Variants in LDAH observed in about 807,000 individuals in gnomAD.
The protein encoded by LDAH is lipid droplet-associated hydrolase.
LDAH carries 26 observed loss-of-function variants against 29.6 expected under a neutral mutation model. The ratio of observed to expected loss-of-function variants is 0.88; its 90% CI spans 0.64 to 1.22. The LOEUF is 1.22. Among genes scored for constraint, LDAH ranks in the 50% most tolerant of loss-of-function variants. The pLI is 0.00. For missense variants in LDAH, 344 were observed against 387.3 expected, an observed-to-expected ratio of 0.89 and a Z score of 0.94; for synonymous variants, 117 against 133.0, an observed-to-expected ratio of 0.88 and a Z score of 0.83.
At chr2:20,770,353 T>A (rs1669329599) in intron 4 of LDAH, among the ~76,000 whole-genome samples, 1 of 152,158 alleles carries the variant, frequency 6.6e-6, no homozygotes, top group African/African-American at 2.4e-5. Context: ...GGATCTGATA[T>A]CCTTCGAAGA....
At chr2:20,809,235 C>CAAAA (rs56974629) in intron 1 of LDAH, among the ~76,000 whole-genome samples, 2 of 133,966 alleles carry the variant, frequency 1.5e-5, no homozygotes, top group Admixed American at 7.4e-5. Context: ...ACTAGAAATA[C>CAAAA]AAAAAAAAAA....
chr2:20,798,143 C>T (rs772425990), intron 2 of LDAH, among the ~76,000 whole-genome samples: 1 of 152,200 alleles, frequency 6.6e-6, no homozygotes, highest in Non-Finnish European at 1.5e-5. Flanking sequence ...GAGTCTAAGA[C>T]ATTTTGCAGC....
chr2:20,739,830 A>T, intron 5 of LDAH, 141 bp downstream of exon 5: 1 of 603,856 alleles, frequency 1.7e-6, no homozygotes, highest in South Asian at 2.4e-5. Context: ...AATTTTATTT[A>T]TTTCTAGTTT....
At position 20,685,738 on chromosome 2, in the gene LDAH, G is replaced by A; in HGVS notation, c.*1165C>T. 6.8e-7 allele frequency: 1 copy of A among 1,481,290 alleles called. No individual in the cohort carries two copies. The highest frequency in any genetic ancestry group is 9.0e-7 in the Non-Finnish European group (1 of 1,111,880). 91.8% of individuals were successfully genotyped at this position (1,481,290 alleles called of 1,614,324 possible). On this transcript the variant is annotated 3_prime_UTR_variant, in exon 7 of 7. Transcript: ENST00000237822. ...TTCTCAAGATTGAGTCAATTTAGGGGAGGCAGCAATATTGTCAGCCCACTC... is the reference window on the plus strand; with the variant it reads ...TTCTCAAGATTGAGTCAATTTAGGGAAGGCAGCAATATTGTCAGCCCACTC...
intron 5 of LDAH, among the ~76,000 whole-genome samples, chr2:20,717,978 T>C (rs1665345855): frequency 6.6e-6 from 1 of 152,194 alleles, no homozygotes; most frequent in Admixed American, 6.5e-5. Context: ...CTTATAACTA[T>C]AAAATGTTTT....
At chr2:20,795,934 C>T (rs1671272303) in intron 2 of LDAH, among the ~76,000 whole-genome samples, 1 of 139,248 alleles carries the variant, frequency 7.2e-6, no homozygotes, top group Admixed American at 7.9e-5. Context: ...GATTAGCTCC[C>T]CCGAAACCTG....
At chr2:20,745,397 T>A (rs1323963515) in intron 4 of LDAH, among the ~76,000 whole-genome samples, 7 of 152,230 alleles carry the variant, frequency 4.6e-5, no homozygotes, top group Admixed American at 4.6e-4. Context: ...TGCATTTCTC[T>A]GATAATTAGT....
chr2:20,706,596 C>G (rs1664317650), intron 5 of LDAH, among the ~76,000 whole-genome samples: 2 of 151,812 alleles, frequency 1.3e-5, no homozygotes, highest in South Asian at 2.1e-4. Context: ...CCAAAAATCT[C>G]AACTGAATTT....
intron 6 of LDAH, among the ~76,000 whole-genome samples, chr2:20,691,368 A>AGT (rs1236357024): frequency 6.6e-6 from 1 of 152,090 alleles, no homozygotes. Flanking sequence ...GTAGAGACGA[A>AGT]GTCTCCCTAT....
intron 4 of LDAH, among the ~76,000 whole-genome samples, chr2:20,746,866 C>A (rs752636169): frequency 5.3e-5 from 8 of 152,082 alleles, no homozygotes; most frequent in Non-Finnish European, 1.2e-4. Context: ...TTCACATTCT[C>A]TTCTGTTATC....
At chr2:20,749,863 T>C (rs1016560843) in intron 4 of LDAH, among the ~76,000 whole-genome samples, 2 of 152,118 alleles carry the variant, frequency 1.3e-5, no homozygotes, top group African/African-American at 4.8e-5. Context: ...CTGATGTTTA[T>C]TTCTTCCTCA....
In LDAH at chr2:20,685,053, A is replaced by T; in HGVS notation, c.*1850T>A. On this transcript the variant is annotated 3_prime_UTR_variant, in exon 7 of 7. Transcript: ENST00000237822. ...CACAGAGATCAGGCCAGACCAGGTC[A>T]GAAATGCTGGTAAAACATTTATTTC... The T allele has an allele frequency of 8.9e-7, 1 of 1,121,024 alleles. No homozygotes were observed. The highest frequency in any genetic ancestry group is 1.2e-6 in the Non-Finnish European group (1 of 835,082). 69.4% of individuals were successfully genotyped at this position (1,121,024 alleles called of 1,614,324 possible).
At chr2:20,811,217 A>G (rs1361554312) in intron 1 of LDAH, among the ~76,000 whole-genome samples, 1 of 151,718 alleles carries the variant, frequency 6.6e-6, no homozygotes, top group East Asian at 2.0e-4. Context: ...ACGGGGTTTC[A>G]CCGTGTTAGC....
rs535612202 is a variant in LDAH, at chr2:20,752,645, T to C, written c.469-12440A>G. On this transcript the variant is annotated intron_variant, in intron 4 of 6. Transcript: ENST00000237822. ...CGATCAAGTGTCAATGGCAATGTAGTAGTTTCCAGCAGCTGCTGTAACAAA... is the reference window on the plus strand; with the variant it reads ...CGATCAAGTGTCAATGGCAATGTAGCAGTTTCCAGCAGCTGCTGTAACAAA... 1.1e-4 allele frequency among the ~76,000 whole-genome samples: 17 copies of C among 152,336 alleles called. No individual in the cohort carries two copies. The South Asian group carries it at 3.3e-3, about 30-fold the overall frequency.
At chr2:20,715,678 C>T (rs919960215) in intron 5 of LDAH, among the ~76,000 whole-genome samples, 1 of 152,230 alleles carries the variant, frequency 6.6e-6, no homozygotes, top group Non-Finnish European at 1.5e-5. Context: ...GCAGCTTCAG[C>T]AAGGTCTCAG....
At chr2:20,730,280 T>C (rs550658278) in intron 5 of LDAH, among the ~76,000 whole-genome samples, 2 of 152,358 alleles carry the variant, frequency 1.3e-5, no homozygotes, top group East Asian at 1.9e-4. Context: ...AACATTCATA[T>C]ACAGGTTTTT....
chr2:20,684,719 C>A lies in LDAH; in HGVS notation c.*2184G>T, dbSNP rs1439192827. 2.2e-5 allele frequency: 15 copies of A among 694,858 alleles called. No homozygotes were observed. The highest frequency in any genetic ancestry group is 3.4e-5 in the Non-Finnish European group (15 of 438,316). The allele number at this position is 694,858 out of a possible 1,614,324, so 43.0% of individuals were successfully genotyped here. A position where few individuals can be genotyped will look rare whatever the true frequency, so the allele number is the denominator to read the frequency against. Reference sequence around the variant, plus strand: ...TGGCTGGGAACAGACTAGGAACAAACACGGGTGTGGTCAAAGCTCAATCGC... The same window carrying A: ...TGGCTGGGAACAGACTAGGAACAAAAACGGGTGTGGTCAAAGCTCAATCGC... On this transcript the variant is annotated 3_prime_UTR_variant, in exon 7 of 7. Transcript: ENST00000237822.
In LDAH at chr2:20,733,695, T is replaced by C. The variant is rs535064269; in HGVS notation, c.703+6276A>G. Among the ~76,000 whole-genome samples the C allele has an allele frequency of 1.1e-3, 174 of 151,978 alleles. 1 individual carries two copies. Among genetic ancestry groups the C allele is most frequent in the African/African-American group, 4.0e-3 (164 of 41,460 alleles). On this transcript the variant is annotated intron_variant, in intron 5 of 6. Transcript: ENST00000237822. ...CTGGGATTACATGCATGAGCCACAG[T>C]GCCTGGCCAATTTTTAAATTTTTTA...
intron 6 of LDAH, among the ~76,000 whole-genome samples, chr2:20,690,431 G>A (rs1222884323): frequency 1.3e-5 from 2 of 152,198 alleles, no homozygotes; most frequent in Non-Finnish European, 1.5e-5. Context: ...AACTGATGAT[G>A]GGGGTGGGCT....
Sources: allele counts gnomAD v4.1 joint callset (sites outside exome capture counted in the v4.1 genomes callset), GRCh38; gene constraint gnomAD v4.1.1; transcripts MANE v1.5; gene names NCBI Gene and HGNC (gene_info 2026-07-23, HGNC 2026-07-21).